Variants in DST observed in about 807,000 individuals in gnomAD.
DST encodes the protein dystonin.
Under a neutral mutation model 875.2 loss-of-function variants are expected in DST, and 253 were observed. That is an observed-to-expected ratio of 0.29 (90% confidence interval 0.26 to 0.32). The LOEUF is 0.32. DST is among the 10% of genes least tolerant of loss of function. The pLI, the probability that DST is intolerant of heterozygous loss-of-function variation, is 1.00. For synonymous variants in DST, 3,124 were observed against 3,197.1 expected, an observed-to-expected ratio of 0.98 and a Z score of 0.77; for missense variants, 8,287 against 9,111.6, an observed-to-expected ratio of 0.91 and a Z score of 3.68.
chr6:56,780,086 T>C (rs1477340824), intron 4 of DST, among the ~76,000 whole-genome samples: 1 of 151,910 alleles, frequency 6.6e-6, no homozygotes, highest in East Asian at 1.9e-4. Context: ...TAGTATTCCA[T>C]GGTGCATATG....
At position 56,714,206 on chromosome 6, in the gene DST, T is replaced by G. The variant is rs904864228; in HGVS notation, c.688-9837A>C. 3.3e-5 allele frequency among the ~76,000 whole-genome samples: 5 copies of G among 152,320 alleles called. No homozygotes were observed. The highest frequency in any genetic ancestry group is 2.6e-4 in the Admixed American group (4 of 15,300). Reference sequence around the variant, plus strand: ...CAAAATCATATCTGGGGAACTGATATGTTTGGAATGGAATTATAAATACAG... The same window carrying G: ...CAAAATCATATCTGGGGAACTGATAGGTTTGGAATGGAATTATAAATACAG... On this transcript the variant is annotated intron_variant, in intron 5 of 103. Coordinates refer to ENST00000680361, the MANE Select transcript of DST (RefSeq NM_001374736.1). The surrounding 1 kb of genome is among the most constrained non-coding windows in gnomAD (Gnocchi z 4.5).
intron 10 of DST, among the ~76,000 whole-genome samples, chr6:56,656,289 A>T (rs1371645111): frequency 1.3e-5 from 2 of 152,258 alleles, no homozygotes; most frequent in Non-Finnish European, 2.9e-5. Context: ...GCACGAAGTG[A>T]GGACAACAAA....
chr6:56,695,616 C>A (rs747687651), intron 9 of DST, among the ~76,000 whole-genome samples: 2 of 152,132 alleles, frequency 1.3e-5, no homozygotes, highest in Non-Finnish European at 2.9e-5. Flanking sequence ...TTTATATCAC[C>A]AATAATATTC....
Position 56,953,769 on chromosome 6 carries a change from G to A in DST, c.216+16C>T, listed in dbSNP as rs1484621743. 7 of 1,312,278 alleles carry A rather than the reference G, an allele frequency of 5.3e-6. No individual in the cohort carries two copies. The highest frequency in any genetic ancestry group is 2.5e-5 in the South Asian group (2 of 81,318). The allele number at this position is 1,312,278 out of a possible 1,614,324, so 81.3% of individuals were successfully genotyped here. Reference sequence around the variant, plus strand: ...GAACTTCTTCTGACCTTGAGCGTGCGCGCTAAATAAATTACCTCAGAACGA... The same window carrying A: ...GAACTTCTTCTGACCTTGAGCGTGCACGCTAAATAAATTACCTCAGAACGA... On this transcript the variant is annotated intron_variant, in intron 2 of 103. Coordinates refer to ENST00000680361, the MANE Select transcript of DST (RefSeq NM_001374736.1).
intron 3 of DST, among the ~76,000 whole-genome samples, chr6:56,886,034 G>A (rs1298442595): frequency 6.6e-6 from 1 of 152,162 alleles, no homozygotes; most frequent in Non-Finnish European, 1.5e-5. Flanking sequence ...GATAGTATTA[G>A]ACCAAAGTGG....
In DST at chr6:56,631,377, C is replaced by G. The variant is rs1162935629; in HGVS notation, c.3976G>C (p.Glu1326Gln). ...RITEQEKLKK[E>Q]LERLKDDLGT... ...AAATCATCTTTAAGTCGTTCCAGCT[C>G]TTTCTTTAGTTTCTATAAAACAGAG... is the stretch of plus-strand genomic sequence containing the variant. Residue 1326 changes from glutamate to glutamine, a missense_variant, in exon 30 of 104, where the codon GAG becomes CAG. By Grantham distance (29) the Glu-to-Gln change is conservative. This residue lies in a region of DST where 3,138 missense variants were observed against 3,116.6 expected (regional missense o/e 1.01). Transcript: ENST00000680361. The G allele has an allele frequency of 1.9e-6, 3 of 1,613,686 alleles. No individual in the cohort carries two copies. Among genetic ancestry groups the G allele is most frequent in the Non-Finnish European group, 2.5e-6 (3 of 1,179,828 alleles).
intron 3 of DST, among the ~76,000 whole-genome samples, chr6:56,875,813 AC>A: frequency 6.6e-6 from 1 of 151,918 alleles, no homozygotes; most frequent in South Asian, 2.1e-4. Flanking sequence ...CTTGTATACT[AC>A]CCCCAAATTC....
chr6:56,562,225 A>T (rs190416047), intron 55 of DST, 25 bp from the exon 56 acceptor site: 1 of 1,483,590 alleles, frequency 6.7e-7, no homozygotes, highest in Non-Finnish European at 9.1e-7. Context: ...ACACTAAAAT[A>T]ATCACAGTTT....
At chr6:56,486,924 A>G (rs918883810) in intron 87 of DST, among the ~76,000 whole-genome samples, 180 bp downstream of exon 87, 5 of 152,150 alleles carry the variant, frequency 3.3e-5, no homozygotes, top group African/African-American at 1.2e-4. Context: ...GTAGTTAAAA[A>G]TTAATGAACA....
intron 4 of DST, among the ~76,000 whole-genome samples, chr6:56,736,971 G>A (rs1286761600): frequency 1.3e-5 from 2 of 151,886 alleles, no homozygotes; most frequent in Non-Finnish European, 2.9e-5. Flanking sequence ...CCCAGGATTT[G>A]GAGACTAGCC....
chr6:56,887,642 GT>G (rs1387689171), intron 3 of DST, among the ~76,000 whole-genome samples: 1 of 151,886 alleles, frequency 6.6e-6, no homozygotes, highest in Non-Finnish European at 1.5e-5. Flanking sequence ...AGAATTTAAG[GT>G]TTTTTTTATT....
intron 3 of DST, among the ~76,000 whole-genome samples, chr6:56,877,745 C>T (rs1780188313): frequency 6.6e-6 from 1 of 152,166 alleles, no homozygotes; most frequent in Admixed American, 6.5e-5. Flanking sequence ...CACTATCCCC[C>T]AGTCCTAAAG....
rs778105004 is a variant in DST, at chr6:56,603,725, G to A, written c.10792-12C>T. 1.3e-6 allele frequency: 2 copies of A among 1,590,700 alleles called. No individual in the cohort carries two copies. ...AATTCACTGGAAAACTAAAAACAAA[G>A]TTGGACATTTTAATTCAATAACCTT... On this transcript the variant is annotated splice_polypyrimidine_tract_variant and intron_variant, in intron 40 of 103. Coordinates refer to ENST00000680361, the MANE Select transcript of DST (RefSeq NM_001374736.1).
intron 3 of DST, among the ~76,000 whole-genome samples, chr6:56,862,445 C>A (rs983089753): frequency 6.6e-6 from 1 of 151,970 alleles, no homozygotes; most frequent in African/African-American, 2.4e-5. Context: ...GCACAAGGTG[C>A]CTTGAGAGCA....
At chr6:56,688,368 A>G (rs1356714319) in intron 9 of DST, among the ~76,000 whole-genome samples, 1 of 152,248 alleles carries the variant, frequency 6.6e-6, no homozygotes, top group East Asian at 1.9e-4. Flanking sequence ...AGTTGGTGAG[A>G]GAAAAAAATA....
At chr6:56,557,274 G>A (rs766217126) in intron 59 of DST, 45 bp downstream of exon 59, 2 of 1,558,082 alleles carry the variant, frequency 1.3e-6, no homozygotes, top group Non-Finnish European at 1.7e-6. Context: ...GTCTCAGTAA[G>A]TCAAATTGCT....
At chr6:56,925,316 C>A (rs1249261628) in intron 2 of DST, among the ~76,000 whole-genome samples, 1 of 152,024 alleles carries the variant, frequency 6.6e-6, no homozygotes, top group Non-Finnish European at 1.5e-5. Flanking sequence ...AATGCTAGGC[C>A]AATCAATTAT....
At chr6:56,729,350 G>A (rs887077961) in intron 5 of DST, among the ~76,000 whole-genome samples, 4 of 152,180 alleles carry the variant, frequency 2.6e-5, no homozygotes, top group African/African-American at 7.2e-5. Flanking sequence ...CAGCAGTTTG[G>A]GAGGCTGAGG....
chr6:56,560,433 G>A lies in DST; in HGVS notation c.14311-10C>T. The A allele has an allele frequency of 6.3e-7, 1 of 1,579,874 alleles. No individual in the cohort carries two copies. The highest frequency in any genetic ancestry group is 8.6e-7 in the Non-Finnish European group (1 of 1,160,548). On this transcript the variant is annotated splice_polypyrimidine_tract_variant and intron_variant, in intron 57 of 103. Coordinates refer to ENST00000680361, the MANE Select transcript of DST (RefSeq NM_001374736.1). Reference sequence around the variant, plus strand: ...GTTCTGCCTCAAACGACTAACAAGGGAAAAATAATAATAAATCATGTGTAC... The same window carrying A: ...GTTCTGCCTCAAACGACTAACAAGGAAAAAATAATAATAAATCATGTGTAC...
Sources: allele counts gnomAD v4.1 joint callset (sites outside exome capture counted in the v4.1 genomes callset), GRCh38; gene constraint gnomAD v4.1.1; regional missense constraint gnomAD v4.1.1; non-coding constraint Gnocchi (gnomAD v3.1); transcripts MANE v1.5; gene names NCBI Gene and HGNC (gene_info 2026-07-23, HGNC 2026-07-21).